SLC35D2: variants seen among roughly 807,000 people sequenced by gnomAD.
SLC35D2 encodes nucleotide sugar transporter SLC35D2.
SLC35D2 carries 43 observed loss-of-function variants against 41.8 expected under a neutral mutation model. That is an observed-to-expected ratio of 1.03 (90% CI 0.81 to 1.33). The LOEUF is 1.33. Among genes scored for constraint, SLC35D2 ranks in the 40% most tolerant of loss-of-function variants. SLC35D2 has a pLI of 0.00. For missense variants in SLC35D2, 380 were observed against 408.4 expected (o/e 0.93, Z 0.60); for synonymous variants, 150 against 163.9 (o/e 0.92, Z 0.65).
At chr9:96,358,067 A>AAT (rs1462853155) in intron 4 of SLC35D2, among the ~76,000 whole-genome samples, 2 of 112,366 alleles carry the variant, frequency 1.8e-5, no homozygotes, top group Non-Finnish European at 3.4e-5. Flanking sequence ...GGATAAACAA[A>AAT]ATATTATATA....
At chr9:96,367,516 T>G (rs1271291913) in intron 2 of SLC35D2, among the ~76,000 whole-genome samples, 2 of 151,982 alleles carry the variant, frequency 1.3e-5, no homozygotes, top group Non-Finnish European at 2.9e-5. Context: ...AGCTCATCCT[T>G]GTACTTGTAA....
chr9:96,321,398 C>G, intron 11 of SLC35D2, 57 bp from the exon 12 acceptor site: 1 of 1,277,922 alleles, frequency 7.8e-7, no homozygotes, highest in Non-Finnish European at 1.1e-6. Flanking sequence ...GGGGCTCCAG[C>G]AGCAGTTGCT....
chr9:96,344,507 G>C (rs1318254885), intron 7 of SLC35D2, among the ~76,000 whole-genome samples: 2 of 24,340 alleles, frequency 8.2e-5, no homozygotes, highest in South Asian at 9.2e-4. Flanking sequence ...AACTTCTACC[G>C]TTAAAAAAAA....
At position 96,343,988 on chromosome 9, in the gene SLC35D2, C is replaced by T; in HGVS notation, c.600G>A (p.Gly200=). ...CATTGTAGAAAAGTACTCCGTATTTCCCTAGCTCCTGCAAAAACAAAAATG... is the reference window on the plus strand; with the variant it reads ...CATTGTAGAAAAGTACTCCGTATTTTCCTAGCTCCTGCAAAAACAAAAATG... ...TKQKMDPKEL[G]KYGVLFYNAC... The change falls in exon 8 of 12, where the codon GGG becomes GGA. Residue 200 remains glycine (G), a synonymous_variant. Coordinates refer to ENST00000253270, the MANE Select transcript of SLC35D2 (RefSeq NM_007001.3). The T allele has an allele frequency of 6.3e-7, 1 of 1,585,074 alleles. No individual in the cohort carries two copies. The highest frequency in any genetic ancestry group is 8.5e-7 in the Non-Finnish European group (1 of 1,169,720).
chr9:96,325,268 A>G (rs138641263), intron 9 of SLC35D2, among the ~76,000 whole-genome samples: 1 of 152,366 alleles, frequency 6.6e-6, no homozygotes, highest in Non-Finnish European at 1.5e-5. Context: ...AATTAGCTGC[A>G]ACCTCACCTA....
chr9:96,336,472 T>C (rs564008391), intron 9 of SLC35D2, among the ~76,000 whole-genome samples: 1 of 152,342 alleles, frequency 6.6e-6, no homozygotes, highest in South Asian at 2.1e-4. Flanking sequence ...CAACATCATA[T>C]TTTGAAGAAG....
At position 96,383,471 on chromosome 9, in the gene SLC35D2, C is replaced by T; in HGVS notation, c.158+6G>A. Reference sequence around the variant, plus strand: ...GCAGACCCCCCGGCCCCGGGCCCCGCCTCACCCGTAGGTGGTCAGCAGCGC... The same window carrying T: ...GCAGACCCCCCGGCCCCGGGCCCCGTCTCACCCGTAGGTGGTCAGCAGCGC... On this transcript the variant is annotated splice_donor_region_variant and intron_variant, in intron 1 of 11. Coordinates refer to ENST00000253270, the MANE Select transcript of SLC35D2 (RefSeq NM_007001.3). The T allele has an allele frequency of 6.5e-7, 1 of 1,532,498 alleles. No homozygotes were observed. Among genetic ancestry groups the T allele is most frequent in the East Asian group, 2.6e-5 (1 of 38,154 alleles). The allele number at this position is 1,532,498 out of a possible 1,614,324, so 94.9% of individuals were successfully genotyped here. A position where few individuals can be genotyped will look rare whatever the true frequency, so the allele number is the denominator to read the frequency against.
At chr9:96,317,710 T>C (rs914836488), downstream of SLC35D2, among the ~76,000 whole-genome samples, 3 of 152,162 alleles carry the variant, frequency 2.0e-5, no homozygotes, top group Admixed American at 6.6e-5. Flanking sequence ...AGTATGTTGA[T>C]GCAACAGGAG....
At chr9:96,323,917 C>T (rs1828376613) in intron 10 of SLC35D2, among the ~76,000 whole-genome samples, 174 bp downstream of exon 10, 2 of 149,474 alleles carry the variant, frequency 1.3e-5, no homozygotes, top group African/African-American at 4.9e-5. Context: ...CAGAACGAGA[C>T]TCTGTCTCAA....
intron 1 of SLC35D2, among the ~76,000 whole-genome samples, chr9:96,374,730 C>T (rs1363457387): frequency 3.6e-4 from 47 of 129,656 alleles, no homozygotes; most frequent in Middle Eastern, 0.013. Context: ...CCCAGCTACT[C>T]GGGAGGCTGA....
intron 9 of SLC35D2, among the ~76,000 whole-genome samples, chr9:96,335,728 G>A (rs920076109): frequency 3.9e-5 from 6 of 152,046 alleles, no homozygotes; most frequent in African/African-American, 1.5e-4. Flanking sequence ...AAACTATATG[G>A]TCTCTCAACC....
Position 96,321,200 on chromosome 9 carries a change from G to C in SLC35D2, c.*42C>G. 1 of 1,455,098 alleles carries C rather than the reference G, an allele frequency of 6.9e-7. No individual in the cohort carries two copies. The highest frequency in any genetic ancestry group is 1.4e-5 in the African/African-American group (1 of 71,744). The allele number at this position is 1,455,098 out of a possible 1,614,324, so 90.1% of individuals were successfully genotyped here. On this transcript the variant is annotated 3_prime_UTR_variant, in exon 12 of 12. Transcript: ENST00000253270. The stretch of plus-strand genomic sequence containing the variant: ...CATTCCTACTGGGAATGCCCCCCCA[G>C]CCCGCAGTCACAAGTCAGTCTCCAA...
chr9:96,321,196 C>T lies in SLC35D2; in HGVS notation c.*46G>A, dbSNP rs556160631. ...TTCACATTCCTACTGGGAATGCCCC[C>T]CCAGCCCGCAGTCACAAGTCAGTCT... On this transcript the variant is annotated 3_prime_UTR_variant, in exon 12 of 12. Coordinates refer to ENST00000253270, the MANE Select transcript of SLC35D2 (RefSeq NM_007001.3). 4.2e-6 allele frequency: 6 copies of T among 1,440,852 alleles called. No individual in the cohort carries two copies. The highest frequency in any genetic ancestry group is 1.8e-4 in the Middle Eastern group (1 of 5,700). 89.3% of individuals were successfully genotyped at this position (1,440,852 alleles called of 1,614,324 possible).
intron 9 of SLC35D2, among the ~76,000 whole-genome samples, chr9:96,332,778 T>C (rs1485813013): frequency 2.0e-5 from 3 of 151,700 alleles, no homozygotes; most frequent in East Asian, 3.9e-4. Context: ...GACTCCATCT[T>C]AAAACAAAAA....
At chr9:96,363,881 G>C (rs1830378589) in intron 3 of SLC35D2, among the ~76,000 whole-genome samples, 1 of 152,212 alleles carries the variant, frequency 6.6e-6, no homozygotes, top group Admixed American at 6.5e-5. Context: ...TACCAAAAAA[G>C]TTTGCCAATG....
chr9:96,339,109 ATTTTG>A (rs748351483), intron 8 of SLC35D2, among the ~76,000 whole-genome samples: 36 of 151,996 alleles, frequency 2.4e-4, no homozygotes, highest in Admixed American at 9.8e-4. Flanking sequence ...ACCAACCTAA[ATTTTG>A]TTTTGTTTTT....
rs1174582250 is a variant in SLC35D2, at chr9:96,336,193, C to T, written c.752+524G>A. Among the ~76,000 whole-genome samples, 4 of 152,046 alleles carry T rather than the reference C, an allele frequency of 2.6e-5. No individual in the cohort carries two copies. The South Asian group carries it at 8.3e-4, about 32-fold the overall frequency. On this transcript the variant is annotated intron_variant, in intron 9 of 11. Coordinates refer to ENST00000253270, the MANE Select transcript of SLC35D2 (RefSeq NM_007001.3). ...CTATAGGAAAAGGCTGTCATAGTCACATAATTATTTGAGGAAGGGATCTTG... is the reference window on the plus strand; with the variant it reads ...CTATAGGAAAAGGCTGTCATAGTCATATAATTATTTGAGGAAGGGATCTTG...
At chr9:96,340,473 C>T (rs142013451) in intron 8 of SLC35D2, among the ~76,000 whole-genome samples, 9 of 151,236 alleles carry the variant, frequency 6.0e-5, no homozygotes, top group Non-Finnish European at 1.2e-4. Flanking sequence ...AAAAATTAGC[C>T]GGGCATCATG....
downstream of SLC35D2, among the ~76,000 whole-genome samples, chr9:96,319,301 TCA>T (rs1306433528): frequency 1.3e-5 from 2 of 152,000 alleles, no homozygotes; most frequent in Non-Finnish European, 2.9e-5. Flanking sequence ...ATAGTCAAAC[TCA>T]CAAAGAGAGT....
Sources: gnomAD v4.1 joint callset for allele counts (sites outside exome capture counted in the v4.1 genomes callset) on GRCh38, gnomAD v4.1.1 for gene constraint, MANE v1.5 for transcripts, NCBI Gene and HGNC (gene_info 2026-07-23, HGNC 2026-07-21) for gene names.